Variants in KCNMA1 observed in about 807,000 individuals in gnomAD.
The protein encoded by KCNMA1 is potassium calcium-activated channel subfamily M alpha 1.
Under a neutral mutation model 140.0 loss-of-function variants are expected in KCNMA1, and 29 were observed. The ratio of observed to expected loss-of-function variants is 0.21; its 90% CI spans 0.15 to 0.28. The LOEUF (loss-of-function observed/expected upper bound fraction) is 0.28, where lower values mean the gene tolerates loss of function less well. Among genes scored for constraint, KCNMA1 ranks in the 10% least tolerant of loss-of-function variants. KCNMA1 has a pLI of 1.00. For missense variants in KCNMA1, 880 were observed against 1,602.2 expected (o/e 0.55, Z 7.70); for synonymous variants, 612 against 611.9 (o/e 1.00, Z 0.00).
chr10:77,616,341 G>A (rs1444663496), intron 1 of KCNMA1, among the ~76,000 whole-genome samples: 1 of 152,128 alleles, frequency 6.6e-6, no homozygotes, highest in East Asian at 1.9e-4. Flanking sequence ...CCACATTAGG[G>A]GAAAATGTCA....
At chr10:77,571,174 T>G (rs980805804) in intron 1 of KCNMA1, among the ~76,000 whole-genome samples, 1 of 152,242 alleles carries the variant, frequency 6.6e-6, no homozygotes, top group Admixed American at 6.5e-5. Context: ...CCATTGGAAC[T>G]ATATCTGAAA....
rs1396268188 is a variant in KCNMA1, at chr10:77,387,571, CT to C, written c.540+16290del. On this transcript the variant is annotated intron_variant, in intron 2 of 27. Transcript: ENST00000286628. ...TTTTCTTTTCTTTTTCTTTTCTTTT[CT>C]TTTTTTTCTTTTCTCTTTTCTTTTC... 3.4e-5 allele frequency among the ~76,000 whole-genome samples: 5 copies of C among 148,234 alleles called. No individual in the cohort carries two copies. In the South Asian group the frequency reaches 6.5e-4, roughly 19 times the overall value.
intron 22 of KCNMA1, among the ~76,000 whole-genome samples, chr10:76,945,886 A>G (rs573400149): frequency 5.5e-4 from 83 of 152,272 alleles, no homozygotes; most frequent in African/African-American, 1.9e-3. Context: ...AAAAATAGCC[A>G]TTACACTAAT....
chr10:77,416,718 T>A (rs1371888866), intron 1 of KCNMA1, among the ~76,000 whole-genome samples: 1 of 152,196 alleles, frequency 6.6e-6, no homozygotes, highest in East Asian at 1.9e-4. Flanking sequence ...GTGTGCTTAT[T>A]CTCTAGCAGT....
At chr10:77,614,847 C>T (rs2088726787) in intron 1 of KCNMA1, among the ~76,000 whole-genome samples, 1 of 152,224 alleles carries the variant, frequency 6.6e-6, no homozygotes, top group South Asian at 2.1e-4. Context: ...GACTGACACT[C>T]TTGGAATCCT....
chr10:77,504,078 A>G (rs1249776773), intron 1 of KCNMA1, among the ~76,000 whole-genome samples: 1 of 152,164 alleles, frequency 6.6e-6, no homozygotes, highest in African/African-American at 2.4e-5. Context: ...TAGCATCTCC[A>G]TCAGCTGACG....
intron 1 of KCNMA1, among the ~76,000 whole-genome samples, chr10:77,492,816 G>C (rs1314014367): frequency 6.6e-6 from 1 of 152,236 alleles, no homozygotes; most frequent in African/African-American, 2.4e-5. Context: ...TATGGGAGTG[G>C]AGAGGAGAGG....
chr10:77,570,955 A>T (rs1239571643), intron 1 of KCNMA1, among the ~76,000 whole-genome samples: 2 of 151,732 alleles, frequency 1.3e-5, no homozygotes, highest in Non-Finnish European at 2.9e-5. Flanking sequence ...ACTTTCTTTG[A>T]TATATCTTTA....
chr10:77,160,410 C>T (rs2098542283), intron 5 of KCNMA1, among the ~76,000 whole-genome samples: 1 of 152,206 alleles, frequency 6.6e-6, no homozygotes, highest in Admixed American at 6.5e-5. Flanking sequence ...GTCCCTATGG[C>T]TACAGGCACA....
intron 23 of KCNMA1, among the ~76,000 whole-genome samples, chr10:76,923,458 T>A (rs2152545652): frequency 6.6e-6 from 1 of 151,722 alleles, no homozygotes; most frequent in African/African-American, 2.4e-5. Flanking sequence ...AAAAAAGAAT[T>A]CGCTTAAAGA....
intron 5 of KCNMA1, among the ~76,000 whole-genome samples, chr10:77,126,504 T>C (rs1037904433): frequency 6.6e-6 from 1 of 152,324 alleles, no homozygotes; most frequent in African/African-American, 2.4e-5. Context: ...TAGGGTATCA[T>C]ATCCAAGACT....
At chr10:77,480,151 G>A (rs1315346120) in intron 1 of KCNMA1, among the ~76,000 whole-genome samples, 1 of 152,242 alleles carries the variant, frequency 6.6e-6, no homozygotes, top group African/African-American at 2.4e-5. Flanking sequence ...TGGCATTGGT[G>A]TTTGTCCCCC....
In KCNMA1 at chr10:77,196,816, C is replaced by T. The variant is rs138595811; in HGVS notation, c.603-11900G>A. The stretch of plus-strand genomic sequence containing the variant: ...AGGATTATCACAGCTTGGAATGCCT[C>T]GCCTTTCATTTTTCTCAGCTTACAA... On this transcript the variant is annotated intron_variant, in intron 3 of 27. Transcript: ENST00000286628. 2.0e-4 allele frequency among the ~76,000 whole-genome samples: 31 copies of T among 152,190 alleles called. No homozygotes were observed. The East Asian group carries it at 5.2e-3, about 26-fold the overall frequency.
intron 22 of KCNMA1, among the ~76,000 whole-genome samples, chr10:76,948,705 T>C (rs1319138249): frequency 6.6e-6 from 1 of 152,222 alleles, no homozygotes; most frequent in Non-Finnish European, 1.5e-5. Flanking sequence ...TAAAGAACTC[T>C]GTTATTTGCA....
chr10:77,067,488 T>A (rs2096000698), intron 14 of KCNMA1, among the ~76,000 whole-genome samples: 1 of 152,182 alleles, frequency 6.6e-6, no homozygotes, highest in African/African-American at 2.4e-5. Flanking sequence ...TCTCTCTCTC[T>A]CTCACGCATG....
At position 77,012,310 on chromosome 10, in the gene KCNMA1, C is replaced by T. The variant is rs1398005093; in HGVS notation, c.2016-267G>A. The T allele has an allele frequency of 4.8e-6, 7 of 1,465,178 alleles. No homozygotes were observed. In the African/African-American group the frequency reaches 1.0e-4, roughly 21 times the overall value. The allele number at this position is 1,465,178 out of a possible 1,614,324, so 90.8% of individuals were successfully genotyped here. A position where few individuals can be genotyped will look rare whatever the true frequency, so the allele number is the denominator to read the frequency against. On this transcript the variant is annotated intron_variant, in intron 17 of 27. Coordinates refer to ENST00000286628, the MANE Select transcript of KCNMA1 (RefSeq NM_001161352.2). The stretch of plus-strand genomic sequence containing the variant: ...TGGGAAAAAAGTTGCTGATGTGACA[C>T]ACTGTGTCTGCTCATTCGTCTTTCA...
chr10:77,511,495 C>T (rs556342949), intron 1 of KCNMA1, among the ~76,000 whole-genome samples: 4 of 152,304 alleles, frequency 2.6e-5, no homozygotes, highest in Non-Finnish European at 5.9e-5. Flanking sequence ...CAGTGCCTGG[C>T]TGTGTGAACA....
intron 2 of KCNMA1, among the ~76,000 whole-genome samples, chr10:77,275,574 CA>C (rs1032727300): frequency 2.0e-5 from 3 of 152,194 alleles, no homozygotes; most frequent in African/African-American, 7.2e-5. Flanking sequence ...CAAAAGCCCA[CA>C]GGGTCTGCCT....
intron 2 of KCNMA1, among the ~76,000 whole-genome samples, chr10:77,332,998 C>T (rs1312576236): frequency 1.3e-5 from 2 of 152,206 alleles, no homozygotes; most frequent in Non-Finnish European, 2.9e-5. Flanking sequence ...AAGGGGGACT[C>T]TTACATCCAA....
Sources: allele counts gnomAD v4.1 joint callset (sites outside exome capture counted in the v4.1 genomes callset), GRCh38; gene constraint gnomAD v4.1.1; transcripts MANE v1.5; gene names NCBI Gene and HGNC (gene_info 2026-07-23, HGNC 2026-07-21).